The following ARRDC2 variants were observed in gnomAD, a reference collection of about 807,000 sequenced individuals.
ARRDC2 encodes the protein arrestin domain containing 2.
ARRDC2 carries 39 observed loss-of-function variants against 38.9 expected under a neutral mutation model. That is an observed-to-expected ratio of 1.00 (90% CI 0.78 to 1.31). The LOEUF (loss-of-function observed/expected upper bound fraction) is 1.31, where lower values mean the gene tolerates loss of function less well. Ranked by LOEUF, ARRDC2 falls within the 50% of genes most tolerant of loss-of-function variation. ARRDC2 has a pLI of 0.00. For synonymous variants in ARRDC2, 300 were observed against 261.9 expected, an observed-to-expected ratio of 1.15 and a Z score of -1.41; for missense variants, 553 against 588.4, an observed-to-expected ratio of 0.94 and a Z score of 0.62.
chr19:18,006,175 C>T (rs2033273761), upstream of ARRDC2, among the ~76,000 whole-genome samples: 1 of 148,222 alleles, frequency 6.7e-6, no homozygotes, highest in African/African-American at 2.5e-5. Flanking sequence ...TCCTCACATC[C>T]CAGACGATGG....
Position 18,009,814 on chromosome 19 carries a change from C to G in ARRDC2, c.624C>G (p.Asp208Glu), listed in dbSNP as rs769380394. 3.1e-6 allele frequency: 5 copies of G among 1,612,552 alleles called. No homozygotes were observed. In the South Asian group the frequency reaches 5.5e-5, roughly 18 times the overall value. ...GEVIPVFAEI[D>E]NGSTRPVLPR... ...TCATCCCTGTCTTTGCCGAGATCGA[C>G]AACGGCTCCACACGTCCTGTGCTGC... Residue 208 changes from aspartate (D) to glutamate (E), a missense_variant, in exon 5 of 8, where the codon GAC (aspartate) becomes GAG (glutamate). Physicochemically the swap from Asp to Glu is conservative, Grantham distance 45 (BLOSUM62 2). Around this residue, in one of 3 missense-constraint regions of ARRDC2, gnomAD observed 447 missense variants for 456.6 expected, o/e 0.98. Coordinates refer to ENST00000222250, the MANE Select transcript of ARRDC2 (RefSeq NM_015683.2).
upstream of ARRDC2, chr19:18,008,026 CGTTT>C (rs1278084551): frequency 1.1e-5 from 9 of 793,868 alleles, no homozygotes; most frequent in African/African-American, 1.1e-4. Context: ...TGAGCAGGGG[CGTTT>C]GTTATTTTGC....
At position 18,008,353 on chromosome 19, in the gene ARRDC2, G is replaced by T. The variant is rs1475524534; in HGVS notation, c.43G>T (p.Gly15Cys). Residue 15 changes from glycine (G) to cysteine (C), a missense_variant, in exon 1 of 8, where the codon GGC becomes TGC. By Grantham distance (159) the Gly-to-Cys change is radical. This residue lies in a region of ARRDC2 where 447 missense variants were observed against 456.6 expected (regional missense o/e 0.98). Transcript: ENST00000222250. ...KVKAFSVQLDGATAGVEPVFS... is the reference protein window; with the variant it reads ...KVKAFSVQLDCATAGVEPVFS... ...GAAAGCGTTCTCGGTGCAGTTGGAC[G>T]GCGCGACCGCGGGCGTCGAGCCCGT... is the stretch of plus-strand genomic sequence containing the variant. The T allele has an allele frequency of 4.4e-6, 7 of 1,596,980 alleles. No individual in the cohort carries two copies. In the Admixed American group the frequency reaches 1.0e-4, roughly 23 times the overall value.
At chr19:18,009,369 C>A in intron 3 of ARRDC2, 2 of 633,722 alleles carry the variant, frequency 3.2e-6, no homozygotes, top group Non-Finnish European at 2.7e-6. Context: ...TAGGGCTTAC[C>A]AAGTGTGAAT....
rs189196235 is a variant in ARRDC2, at chr19:18,008,992, G to A, written c.363G>A (p.Glu121=). The A allele has an allele frequency of 2.3e-4, 377 of 1,613,706 alleles. 3 individuals are homozygous for A. In the East Asian group the frequency reaches 6.7e-3, roughly 29 times the overall value. ...QLPPTLVTSF[E]GKHGSVRYCI... is the part of the protein sequence containing the mutation. Reference sequence around the variant, plus strand: ...CTAGGACCCTGGTGACATCCTTCGAGGGCAAACACGGTAGTGTCCGCTACT... The same window carrying A: ...CTAGGACCCTGGTGACATCCTTCGAAGGCAAACACGGTAGTGTCCGCTACT... The change falls in exon 3 of 8, where the codon GAG becomes GAA. Residue 121 remains glutamate (E), a synonymous_variant. Transcript: ENST00000222250.
rs778616471 is a variant in ARRDC2, at chr19:18,010,559, C to T, written c.1013-13C>T. On this transcript the variant is annotated splice_polypyrimidine_tract_variant and intron_variant, in intron 6 of 7. Coordinates refer to ENST00000222250, the MANE Select transcript of ARRDC2 (RefSeq NM_015683.2). ...CTCCTGCCAACCTCACCCACCCTGT[C>T]TCTCGCTTCCAGCTCCTCCTGAGTA... The T allele has an allele frequency of 2.5e-6, 4 of 1,613,002 alleles. No homozygotes were observed. The African/African-American group carries it at 5.3e-5, about 22-fold the overall frequency.
chr19:18,002,076 G>A (rs532423289), intron 1 of ARRDC2, among the ~76,000 whole-genome samples: 58 of 152,248 alleles, frequency 3.8e-4, no homozygotes, highest in African/African-American at 1.4e-3. Flanking sequence ...GGAAACCCGC[G>A]GGAAGTAGAG....
chr19:18,011,798 G>A (rs1460008144), intron 7 of ARRDC2, among the ~76,000 whole-genome samples: 1 of 151,760 alleles, frequency 6.6e-6, no homozygotes, highest in Non-Finnish European at 1.5e-5. Flanking sequence ...GTTTGAGGCT[G>A]CAGTGAGCAA....
At position 18,012,535 on chromosome 19, in the gene ARRDC2, C is replaced by T. The variant is rs188576961; in HGVS notation, c.1171-378C>T. ...CCAGGAGGTAGAGGTTGCAGTGAGC[C>T]GAGATTGCGCCACTGCATTCCAGCC... On this transcript the variant is annotated intron_variant, in intron 7 of 7. Transcript: ENST00000222250. Among the ~76,000 whole-genome samples the T allele has an allele frequency of 3.2e-3, 492 of 152,124 alleles. 1 individual carries two copies. Among genetic ancestry groups the T allele is most frequent in the African/African-American group, 0.011 (439 of 41,520 alleles).
At chr19:18,004,462 G>C (rs1229307170), upstream of ARRDC2, among the ~76,000 whole-genome samples, 1 of 149,308 alleles carries the variant, frequency 6.7e-6, no homozygotes, top group Admixed American at 6.7e-5. Flanking sequence ...GGTCAGGCTG[G>C]TCTCGAACTC....
chr19:18,001,929 C>T (rs1345346695), intron 1 of ARRDC2, among the ~76,000 whole-genome samples: 1 of 152,212 alleles, frequency 6.6e-6, no homozygotes, highest in African/African-American at 2.4e-5. Context: ...CCACCCCGCC[C>T]TGGTCAGGAC....
chr19:18,007,012 C>A (rs1031853986), upstream of ARRDC2, among the ~76,000 whole-genome samples: 2 of 86,362 alleles, frequency 2.3e-5, no homozygotes, highest in Non-Finnish European at 5.0e-5. Flanking sequence ...CCATCACGGG[C>A]TGAGGGTGAC....
rs763821805 is a variant in ARRDC2, at chr19:18,009,118, G to A, written c.489G>A (p.Leu163=). The A allele has an allele frequency of 1.9e-6, 3 of 1,613,440 alleles. No homozygotes were observed. The highest frequency in any genetic ancestry group is 2.5e-6 in the Non-Finnish European group (3 of 1,179,892). ...TGGACATCAACACGCCAGCCCTGCT[G>A]GTGAGTGGCCACCCTTGGGGAGGTA... ...EPVDINTPAL[L]APQAGAREKV... Residue 163 remains leucine (L), a splice_region_variant and synonymous_variant, in exon 3 of 8, where the codon CTG becomes CTA. Transcript: ENST00000222250.
exon 1 of ARRDC2, chr19:18,001,231 C>T: frequency 9.0e-7 from 1 of 1,117,048 alleles, no homozygotes; most frequent in Non-Finnish European, 1.1e-6. Flanking sequence ...GACGGGGGAA[C>T]GCGGAAACCC....
upstream of ARRDC2, chr19:18,008,121 A>AAAAAAACCCCCCCCCC: frequency 2.7e-6 from 1 of 364,080 alleles, no homozygotes; most frequent in Non-Finnish European, 4.2e-6. Flanking sequence ...CGGTGACCCC[A>AAAAAAACCCCCCCCCC]CCCCCCCCCG....
chr19:18,007,988 G>A (rs573947595), upstream of ARRDC2: 183 of 531,134 alleles, frequency 3.4e-4, 4 homozygotes, highest in South Asian at 4.1e-3. Flanking sequence ...TCTCCCCGGG[G>A]TCCGCGAGGG....
chr19:18,006,379 C>T (rs1302538082), upstream of ARRDC2, among the ~76,000 whole-genome samples: 2 of 152,202 alleles, frequency 1.3e-5, no homozygotes, highest in African/African-American at 2.4e-5. Context: ...AATCCCGGCA[C>T]CTCGGGAGGC....
intron 5 of ARRDC2, 44 bp downstream of exon 5, chr19:18,010,083 C>G: frequency 6.2e-7 from 1 of 1,605,132 alleles, no homozygotes; most frequent in South Asian, 1.1e-5. Context: ...CTACATTCAC[C>G]CTGTATTCCC....
chr19:18,008,121 A>G, upstream of ARRDC2: 2 of 364,080 alleles, frequency 5.5e-6, no homozygotes, highest in Non-Finnish European at 8.3e-6. Context: ...CGGTGACCCC[A>G]CCCCCCCCCG....
Sources: gnomAD v4.1 joint callset for allele counts (sites outside exome capture counted in the v4.1 genomes callset) on GRCh38, gnomAD v4.1.1 for gene constraint, gnomAD v4.1.1 regional missense constraint, MANE v1.5 for transcripts, NCBI Gene and HGNC (gene_info 2026-07-23, HGNC 2026-07-21) for gene names.